The following PDCD10 variants were observed in gnomAD, a reference collection of about 807,000 sequenced individuals.
PDCD10 encodes programmed cell death 10, also known as programmed cell death protein 10.
A neutral mutation model predicts 29.2 loss-of-function variants in PDCD10; 4 were observed. That is an observed-to-expected ratio of 0.14 (90% CI 0.07 to 0.31). PDCD10 has a LOEUF of 0.31. Ranked by LOEUF, PDCD10 falls within the 10% of genes least tolerant of loss-of-function variation. PDCD10 has a pLI of 1.00. For synonymous variants in PDCD10, 70 were observed against 82.2 expected (o/e 0.85, Z 0.80); for missense variants, 183 against 257.9 (o/e 0.71, Z 1.99).
chr3:167,687,430 T>C (rs1165790933), intron 7 of PDCD10, 114 bp from the exon 8 acceptor site: 1 of 748,642 alleles, frequency 1.3e-6, no homozygotes, highest in African/African-American at 1.8e-5. Flanking sequence ...TATATGAATA[T>C]TACTAATAAG....
At chr3:167,689,427 T>TG (rs1461010788) in intron 6 of PDCD10, among the ~76,000 whole-genome samples, 1 of 152,182 alleles carries the variant, frequency 6.6e-6, no homozygotes, top group Non-Finnish European at 1.5e-5. Context: ...AGTCTTACTT[T>TG]GTAGTGTATT....
At chr3:167,696,715 T>G (rs115783187) in intron 5 of PDCD10, among the ~76,000 whole-genome samples, 2 of 152,300 alleles carry the variant, frequency 1.3e-5, no homozygotes, top group Non-Finnish European at 2.9e-5. Flanking sequence ...TAAGCTTATC[T>G]TTTAGTAAAA....
intron 4 of PDCD10, among the ~76,000 whole-genome samples, chr3:167,703,558 A>C (rs1721661773): frequency 6.6e-6 from 1 of 152,136 alleles, no homozygotes; most frequent in Admixed American, 6.6e-5. Flanking sequence ...TAAAATATAA[A>C]TGTATTCCAC....
intron 3 of PDCD10, among the ~76,000 whole-genome samples, chr3:167,707,639 C>T (rs1269526911): frequency 1.3e-5 from 2 of 152,168 alleles, no homozygotes; most frequent in African/African-American, 4.8e-5. Context: ...GATCACACCA[C>T]TGCACTCCAG....
rs761849146 is a variant in PDCD10 at position 167,687,673 on chromosome 3, T to C, written c.416A>G (p.Lys139Arg). 1 of 1,568,378 alleles carries C rather than the reference T, an allele frequency of 6.4e-7. No individual in the cohort carries two copies. The highest frequency in any genetic ancestry group is 1.1e-5 in the South Asian group (1 of 90,134). Residue 139 changes from lysine to arginine, a missense_variant, in exon 7 of 9, where the codon AAA (lysine) becomes AGA (arginine). Transcript: ENST00000392750. ...ATTATTCACTGTATCAAGAAGTTCT[T>C]TTATTGCACTAGCTATATCCCTGTT... ...QTIKDIASAIKELLDTVNNVF... is the reference protein window; with the variant it reads ...QTIKDIASAIRELLDTVNNVF...
At chr3:167,701,544 C>G (rs913272540) in intron 4 of PDCD10, among the ~76,000 whole-genome samples, 1 of 152,042 alleles carries the variant, frequency 6.6e-6, no homozygotes, top group Non-Finnish European at 1.5e-5. Flanking sequence ...GGATAATGTC[C>G]CTTGCTTCCC....
intron 3 of PDCD10, among the ~76,000 whole-genome samples, chr3:167,718,309 T>C (rs1219786996): frequency 6.6e-6 from 1 of 152,094 alleles, no homozygotes; most frequent in African/African-American, 2.4e-5. Context: ...AGCAAACCAA[T>C]GGGTGGCATT....
chr3:167,684,897 T>TA (rs1313008307), intron 8 of PDCD10, among the ~76,000 whole-genome samples: 1 of 152,040 alleles, frequency 6.6e-6, no homozygotes, highest in Non-Finnish European at 1.5e-5. Flanking sequence ...ACTATAAACA[T>TA]ACTTTTAAAA....
intron 3 of PDCD10, among the ~76,000 whole-genome samples, chr3:167,705,535 A>G (rs1474285468): frequency 2.6e-5 from 4 of 152,210 alleles, no homozygotes; most frequent in African/African-American, 9.6e-5. Context: ...TCTCTAACAC[A>G]TTAAATCAAT....
At chr3:167,685,308 G>C (rs925360105) in intron 8 of PDCD10, among the ~76,000 whole-genome samples, 1 of 150,966 alleles carries the variant, frequency 6.6e-6, no homozygotes, top group African/African-American at 2.4e-5. Context: ...AGCTCGGGAG[G>C]CTGAGGCAGG....
chr3:167,687,741 G>T (rs189238762), intron 6 of PDCD10, 48 bp from the exon 7 acceptor site: 19 of 1,019,236 alleles, frequency 1.9e-5, no homozygotes, highest in Non-Finnish European at 2.6e-5. Context: ...AAAGAAATTT[G>T]TGAGAGAAAA....
At chr3:167,725,519 C>CT (rs1724026485) in intron 2 of PDCD10, 1 of 151,690 alleles carries the variant, frequency 6.6e-6, no homozygotes, top group Admixed American at 6.6e-5. Flanking sequence ...AGTGATCCTA[C>CT]TTAGAGTAAA....
intron 2 of PDCD10, among the ~76,000 whole-genome samples, chr3:167,727,984 C>T (rs951155158): frequency 2.6e-5 from 4 of 152,186 alleles, no homozygotes; most frequent in African/African-American, 9.7e-5. Flanking sequence ...TTTAACTTTA[C>T]CTTTAGCTCC....
At chr3:167,706,758 T>G (rs1577346266) in intron 3 of PDCD10, among the ~76,000 whole-genome samples, 1 of 152,334 alleles carries the variant, frequency 6.6e-6, no homozygotes, top group South Asian at 2.1e-4. Context: ...TATTGATATA[T>G]TCATGGTGTC....
intron 4 of PDCD10, 40 bp downstream of exon 4, chr3:167,704,802 C>A: frequency 7.3e-7 from 1 of 1,361,458 alleles, no homozygotes; most frequent in Non-Finnish European, 1.1e-6. Context: ...TTACAAAGAA[C>A]ATACACTTTA....
chr3:167,703,517 A>C (rs1294541740), intron 4 of PDCD10, among the ~76,000 whole-genome samples: 2 of 152,132 alleles, frequency 1.3e-5, no homozygotes, highest in African/African-American at 2.4e-5. Flanking sequence ...GAAGAAATCA[A>C]GCAGAATGGG....
At chr3:167,694,668 A>T (rs950065885) in intron 6 of PDCD10, 3 of 152,686 alleles carry the variant, frequency 2.0e-5, no homozygotes, top group African/African-American at 7.2e-5. Context: ...CGCATATCAG[A>T]TGCATGTGGG....
chr3:167,732,894 CAA>C (rs1275389513), intron 2 of PDCD10, among the ~76,000 whole-genome samples: 2 of 152,298 alleles, frequency 1.3e-5, no homozygotes, highest in East Asian at 3.9e-4. Flanking sequence ...TAATCCAGCA[CAA>C]AGTCAGTTAT....
chr3:167,717,678 T>C (rs1723154735), intron 3 of PDCD10, among the ~76,000 whole-genome samples: 1 of 151,994 alleles, frequency 6.6e-6, no homozygotes. Flanking sequence ...GAACATTATT[T>C]TACTCCACTC....
Sources: allele counts gnomAD v4.1 joint callset (sites outside exome capture counted in the v4.1 genomes callset), GRCh38; gene constraint gnomAD v4.1.1; transcripts MANE v1.5; gene names NCBI Gene and HGNC (gene_info 2026-07-23, HGNC 2026-07-21).